Variants in FHIP2B observed in about 807,000 individuals in gnomAD.
FHIP2B encodes the protein FHF complex subunit HOOK-interacting protein 2B.
A neutral mutation model predicts 84.0 loss-of-function variants in FHIP2B; 72 were observed. That is an observed-to-expected ratio of 0.86 (90% CI 0.71 to 1.04). FHIP2B has a LOEUF of 1.04. Among genes scored for constraint, FHIP2B ranks in the 50% least tolerant of loss-of-function variants. The pLI is 0.00. For synonymous variants in FHIP2B, 497 were observed against 418.7 expected, an observed-to-expected ratio of 1.19 and a Z score of -2.28; for missense variants, 972 against 968.9, an observed-to-expected ratio of 1.00 and a Z score of -0.04.
chr8:22,102,674 A>G (rs767734538), intron 16 of FHIP2B, 46 bp downstream of exon 16: 1 of 1,569,928 alleles, frequency 6.4e-7, no homozygotes, highest in South Asian at 1.2e-5. Flanking sequence ...GGGAGAGTGG[A>G]AAGCGCCTCT....
intron 12 of FHIP2B, chr8:22,101,223 A>C (rs1436547896): frequency 2.0e-5 from 13 of 640,046 alleles, no homozygotes; most frequent in Non-Finnish European, 3.2e-5. Flanking sequence ...GGGTTTCCCC[A>C]TGTTGGCCAG....
In FHIP2B at chr8:22,102,875, T is replaced by A. The variant is rs1303975756; in HGVS notation, c.2176T>A (p.Phe726Ile). Residue 726 changes from phenylalanine (F) to isoleucine (I), a missense_variant, in exon 17 of 17, where the codon TTT (phenylalanine) becomes ATT (isoleucine). Physicochemically the swap from Phe to Ile is conservative, Grantham distance 21. Coordinates refer to ENST00000289921, the MANE Select transcript of FHIP2B (RefSeq NM_022749.7). ...KELAAIAFVK[F>I]PPHDPRQNVS... ...GCTGGCTGCCATTGCCTTCGTCAAG[T>A]TTCCCCCACATGATCCTCGCCAGAA... 3 of 1,613,468 alleles carry A rather than the reference T, an allele frequency of 1.9e-6. No homozygotes were observed. The African/African-American group carries it at 4.0e-5, about 22-fold the overall frequency.
At chr8:22,092,565 C>CTT (rs11393768) in intron 1 of FHIP2B, among the ~76,000 whole-genome samples, 52,429 of 123,840 alleles carry the variant, frequency 0.42, 12,663 homozygotes, top group East Asian at 0.64. Context: ...CGGTGAGACT[C>CTT]TTTTTTTTTT....
rs1414722365 is a variant in FHIP2B, at chr8:22,102,335, A to G, written c.1992+20A>G. On this transcript the variant is annotated intron_variant, in intron 15 of 16. Transcript: ENST00000289921. ...GTGAGGGTGAGGACGCCTCGGCCCA[A>G]GGGAGTGTGCCTAGTGAGGTGGAGG... The G allele has an allele frequency of 1.3e-6, 2 of 1,503,622 alleles. No homozygotes were observed. Among genetic ancestry groups the G allele is most frequent in the East Asian group, 2.8e-5 (1 of 35,850 alleles). The allele number at this position is 1,503,622 out of a possible 1,614,324, so 93.1% of individuals were successfully genotyped here.
rs1198092476 is a variant in FHIP2B, at chr8:22,090,958, C to T, written c.45+1660C>T. 4.6e-5 allele frequency among the ~76,000 whole-genome samples: 7 copies of T among 152,298 alleles called. No homozygotes were observed. The East Asian group carries it at 1.4e-3, about 29-fold the overall frequency. On this transcript the variant is annotated intron_variant, in intron 1 of 16. Transcript: ENST00000289921. Reference sequence around the variant, plus strand: ...AGGCTTCCAATGACAGAAGTACAGGCATCAGTGGCAGGAGATTTTGGCAGT... The same window carrying T: ...AGGCTTCCAATGACAGAAGTACAGGTATCAGTGGCAGGAGATTTTGGCAGT...
At chr8:22,097,671 C>T (rs1264944124) in intron 4 of FHIP2B, 46 bp from the exon 5 acceptor site, 1 of 1,607,700 alleles carries the variant, frequency 6.2e-7, no homozygotes, top group East Asian at 2.2e-5. Flanking sequence ...CCCCTCTCTC[C>T]CCTGCCACCC....
At chr8:22,098,000 G>A in intron 5 of FHIP2B, 68 bp from the exon 6 acceptor site, 3 of 1,530,900 alleles carry the variant, frequency 2.0e-6, no homozygotes, top group Non-Finnish European at 2.6e-6. Context: ...AGCCCACCCT[G>A]CGGTCCCAGT....
chr8:22,099,116 G>C, intron 8 of FHIP2B, 60 bp downstream of exon 8: 1 of 1,514,774 alleles, frequency 6.6e-7, no homozygotes, highest in Non-Finnish European at 9.0e-7. Context: ...TCTCCATCTC[G>C]AGGACCAAGT....
intron 1 of FHIP2B, chr8:22,089,689 C>T: frequency 1.8e-6 from 2 of 1,089,438 alleles, no homozygotes; most frequent in Admixed American, 4.8e-5. Flanking sequence ...TGCCTCCTTC[C>T]TCCGCTCCAC....
chr8:22,096,356 G>A lies in FHIP2B; in HGVS notation c.144G>A (p.Lys48=). ...CATTAGATGAAAGCACCCCCGCCAAGAAGACAGACATTCCCTGGCGGCTGA... is the reference window on the plus strand; with the variant it reads ...CATTAGATGAAAGCACCCCCGCCAAAAAGACAGACATTCCCTGGCGGCTGA... ...IESTDESTPA[K]KTDIPWRLKQ... Residue 48 remains lysine, a synonymous_variant, in exon 3 of 17, where the codon AAG becomes AAA. Coordinates refer to ENST00000289921, the MANE Select transcript of FHIP2B (RefSeq NM_022749.7). 8 of 1,560,726 alleles carry A rather than the reference G, an allele frequency of 5.1e-6. No homozygotes were observed. The highest frequency in any genetic ancestry group is 6.9e-6 in the Non-Finnish European group (8 of 1,152,520).
intron 1 of FHIP2B, among the ~76,000 whole-genome samples, chr8:22,093,775 G>C (rs755394093): frequency 7.8e-6 from 1 of 129,028 alleles, no homozygotes; most frequent in South Asian, 2.6e-4. Context: ...GGAGTGCAGC[G>C]CTGCGATCAC....
chr8:22,100,635 G>A lies in FHIP2B; in HGVS notation c.1383G>A (p.Gln461=). The change falls in exon 11 of 17, where the codon CAG becomes CAA. Residue 461 remains glutamine (Q), a synonymous_variant. Transcript: ENST00000289921. Reference sequence around the variant, plus strand: ...TCCGGCTGTTTGAGGAGCTGCTGCAGAAGCCCCACGAGGGGATCATCCACA... The same window carrying A: ...TCCGGCTGTTTGAGGAGCTGCTGCAAAAGCCCCACGAGGGGATCATCCACA... ...TTLRLFEELL[Q]KPHEGIIHSL... is the part of the protein sequence containing the mutation. 1 of 1,592,950 alleles carries A rather than the reference G, an allele frequency of 6.3e-7. No homozygotes were observed. The highest frequency in any genetic ancestry group is 1.1e-5 in the South Asian group (1 of 88,232).
At chr8:22,096,918 C>T (rs527849057) in intron 3 of FHIP2B, 32 of 172,256 alleles carry the variant, frequency 1.9e-4, no homozygotes, top group Non-Finnish European at 3.5e-4. Flanking sequence ...GTGATGCGTG[C>T]CTGTAGCCCC....
Position 22,101,506 on chromosome 8 carries a change from A to G in FHIP2B, c.1683A>G (p.Thr561=), listed in dbSNP as rs1373687703. 2.5e-6 allele frequency: 4 copies of G among 1,612,676 alleles called. No homozygotes were observed. Among genetic ancestry groups the G allele is most frequent in the South Asian group, 2.2e-5 (2 of 90,860 alleles). ...SAFLEETGYD[T]YVHDAYGLFQ... ...TCCTGGAGGAGACAGGCTATGACAC[A>G]TACGTCCACGATGCTTATGGCCTGG... Residue 561 remains threonine (T), a synonymous_variant, in exon 13 of 17, where the codon ACA becomes ACG. Transcript: ENST00000289921.
chr8:22,096,212 G>A (rs1206949060), intron 2 of FHIP2B, 125 bp from the exon 3 acceptor site: 9 of 903,204 alleles, frequency 1.0e-5, no homozygotes, highest in Non-Finnish European at 1.5e-5. Context: ...GTTGCCAGCA[G>A]CTGTCTTCCC....
Position 22,103,751 on chromosome 8 carries a change from T to C in FHIP2B, c.*820T>C, listed in dbSNP as rs932866998. The C allele has an allele frequency of 2.6e-5, 4 of 152,344 alleles. No homozygotes were observed. The highest frequency in any genetic ancestry group is 7.2e-5 in the African/African-American group (3 of 41,430). The allele number at this position is 152,344 out of a possible 1,614,324, so 9.4% of individuals were successfully genotyped here. ...CCCTTCTGCCCAGGGCCCAGTGTTC[T>C]TGATAGAAGACCCTTCTGGGGAGCC... On this transcript the variant is annotated 3_prime_UTR_variant, in exon 17 of 17. Transcript: ENST00000289921.
rs1461132700 is a variant in FHIP2B, at chr8:22,097,575, G to A, written c.357G>A (p.Val119=). The part of the protein sequence containing the change: ...FQFFSKVLAQ[V]QHPLLHYLSV... ...TCTTCAGCAAGGTTCTGGCGCAGGT[G>A]CAGCACCCCCTGCTGCATTACCTCA... The change falls in exon 4 of 17, where the codon GTG becomes GTA. Residue 119 remains valine, a synonymous_variant. Coordinates refer to ENST00000289921, the MANE Select transcript of FHIP2B (RefSeq NM_022749.7). 3 of 1,610,228 alleles carry A rather than the reference G, an allele frequency of 1.9e-6. No homozygotes were observed. The highest frequency in any genetic ancestry group is 2.2e-5 in the South Asian group (2 of 90,184).
rs770957838 is a variant in FHIP2B, at chr8:22,102,817, G to A, written c.2118G>A (p.Gln706=). ...GEQLDHQTLL[Q]GVVVLEEFCK... ...GGCTGGACCACCAGACCCTCCTCCAGGGCGTGGTGGTGCTGGAGGAGTTCT... is the reference window on the plus strand; with the variant it reads ...GGCTGGACCACCAGACCCTCCTCCAAGGCGTGGTGGTGCTGGAGGAGTTCT... The change falls in exon 17 of 17, where the codon CAG becomes CAA. Residue 706 remains glutamine, a synonymous_variant. Coordinates refer to ENST00000289921, the MANE Select transcript of FHIP2B (RefSeq NM_022749.7). 6.2e-7 allele frequency: 1 copy of A among 1,613,584 alleles called. No individual in the cohort carries two copies. The highest frequency in any genetic ancestry group is 8.5e-7 in the Non-Finnish European group (1 of 1,179,822).
rs1476949274 is a variant in FHIP2B at position 22,104,761 on chromosome 8, T to C, written c.*1830T>C. The stretch of plus-strand genomic sequence containing the variant: ...GGCCTGATATTTAAAACCTTGTCTT[T>C]AAGTTCAAGGCTGCAGTGAGCCGAT... On this transcript the variant is annotated 3_prime_UTR_variant, in exon 17 of 17. Coordinates refer to ENST00000289921, the MANE Select transcript of FHIP2B (RefSeq NM_022749.7). 6.7e-6 allele frequency: 1 copy of C among 150,028 alleles called. No individual in the cohort carries two copies. The highest frequency in any genetic ancestry group is 1.5e-5 in the Non-Finnish European group (1 of 67,912). The allele number at this position is 150,028 out of a possible 1,614,324, so 9.3% of individuals were successfully genotyped here.
Sources: gnomAD v4.1 joint callset for allele counts (sites outside exome capture counted in the v4.1 genomes callset) on GRCh38, gnomAD v4.1.1 for gene constraint, MANE v1.5 for transcripts, NCBI Gene and HGNC (gene_info 2026-07-23, HGNC 2026-07-21) for gene names.